Variants in PXDNL observed in about 807,000 individuals in gnomAD.
PXDNL encodes the protein peroxidasin like, also known as probable oxidoreductase PXDNL.
PXDNL carries 145 observed loss-of-function variants against 150.8 expected under a neutral mutation model. The ratio of observed to expected loss-of-function variants is 0.96; its 90% CI spans 0.84 to 1.10. The LOEUF (loss-of-function observed/expected upper bound fraction) is 1.10. Among genes scored for constraint, PXDNL ranks in the 50% least tolerant of loss-of-function variants. The pLI is 0.00. For synonymous variants in PXDNL, 757 were observed against 725.7 expected, an observed-to-expected ratio of 1.04 and a Z score of -0.69; for missense variants, 2,087 against 1,873.9, an observed-to-expected ratio of 1.11 and a Z score of -2.10.
chr8:51,320,965 A>G, intron 21 of PXDNL, 68 bp from the exon 22 acceptor site: 2 of 1,130,958 alleles, frequency 1.8e-6, no homozygotes, highest in Non-Finnish European at 2.7e-6. Flanking sequence ...AATCAATAAC[A>G]TGGTTTGATG....
intron 1 of PXDNL, among the ~76,000 whole-genome samples, chr8:51,691,531 A>G (rs1297811496): frequency 1.3e-5 from 2 of 152,140 alleles, no homozygotes; most frequent in East Asian, 3.8e-4. Flanking sequence ...TTAACTAGAG[A>G]CAAACATTTA....
intron 3 of PXDNL, among the ~76,000 whole-genome samples, chr8:51,560,487 T>C (rs1345550870): frequency 6.6e-6 from 1 of 151,846 alleles, no homozygotes; most frequent in Admixed American, 6.6e-5. Context: ...CAGTAGGAAG[T>C]CCACAAATAA....
chr8:51,675,931 C>G (rs895076942), intron 1 of PXDNL, among the ~76,000 whole-genome samples: 2 of 152,168 alleles, frequency 1.3e-5, no homozygotes, highest in East Asian at 3.9e-4. Context: ...CTAAAAGTCA[C>G]GTATATAGAT....
intron 2 of PXDNL, among the ~76,000 whole-genome samples, chr8:51,631,135 A>G (rs1814481583): frequency 6.6e-6 from 1 of 152,170 alleles, no homozygotes; most frequent in Admixed American, 6.5e-5. Context: ...TTACAGCAAT[A>G]TGGATGGAGT....
chr8:51,514,180 G>A (rs1274970846), intron 4 of PXDNL, among the ~76,000 whole-genome samples: 2 of 152,134 alleles, frequency 1.3e-5, no homozygotes, highest in Non-Finnish European at 2.9e-5. Flanking sequence ...TATCTCAGCT[G>A]GAGCCATGAG....
At chr8:51,357,552 G>C (rs939268386) in intron 19 of PXDNL, among the ~76,000 whole-genome samples, 1 of 152,200 alleles carries the variant, frequency 6.6e-6, no homozygotes, top group Non-Finnish European at 1.5e-5. Flanking sequence ...TACATATTTA[G>C]ATGCAACTTG....
chr8:51,523,305 T>C (rs1048101377), intron 4 of PXDNL, among the ~76,000 whole-genome samples: 1 of 152,236 alleles, frequency 6.6e-6, no homozygotes, highest in Non-Finnish European at 1.5e-5. Context: ...TATTTACTAA[T>C]ATGCTTTTGG....
intron 2 of PXDNL, among the ~76,000 whole-genome samples, chr8:51,643,875 T>A (rs1421971260): frequency 6.6e-6 from 1 of 151,902 alleles, no homozygotes. Context: ...AAAAAATGGG[T>A]GAAGGATATG....
At chr8:51,416,804 A>G (rs1206801113) in intron 14 of PXDNL, among the ~76,000 whole-genome samples, 1 of 152,246 alleles carries the variant, frequency 6.6e-6, no homozygotes, top group East Asian at 1.9e-4. Flanking sequence ...TAAGCTCTAA[A>G]CTACACAAAT....
chr8:51,512,149 C>T (rs9298450), intron 4 of PXDNL, among the ~76,000 whole-genome samples: 59,692 of 151,986 alleles, frequency 0.39, 12,604 homozygotes, highest in African/African-American at 0.55. Context: ...ATTTTGAAAA[C>T]GGAACAAGTA....
intron 1 of PXDNL, among the ~76,000 whole-genome samples, chr8:51,693,459 C>T (rs572379477): frequency 4.6e-5 from 7 of 152,322 alleles, no homozygotes; most frequent in African/African-American, 1.7e-4. Context: ...TCTTGCACAA[C>T]ATAAACTGTT....
At chr8:51,485,948 G>A (rs1043417397) in intron 5 of PXDNL, among the ~76,000 whole-genome samples, 6 of 152,170 alleles carry the variant, frequency 3.9e-5, no homozygotes, top group African/African-American at 1.4e-4. Context: ...TGGAGAAACA[G>A]CTTATAGTAG....
chr8:51,697,622 C>T (rs562144877), intron 1 of PXDNL, among the ~76,000 whole-genome samples: 2 of 152,126 alleles, frequency 1.3e-5, no homozygotes, highest in African/African-American at 4.8e-5. Flanking sequence ...AAGCAAAGAG[C>T]CAGAAAATTA....
chr8:51,528,632 T>C (rs557311039), intron 4 of PXDNL, among the ~76,000 whole-genome samples: 127 of 152,246 alleles, frequency 8.3e-4, no homozygotes, highest in African/African-American at 2.9e-3. Flanking sequence ...AGGTCCAATC[T>C]AATCACACCA....
At chr8:51,320,739 T>TAGG (rs3217441) in intron 22 of PXDNL, 45 bp downstream of exon 22, 429,221 of 1,376,166 alleles carry the variant, frequency 0.31, 76,623 homozygotes, top group African/African-American at 0.79. Context: ...ACTGGCTGGC[T>TAGG]AGAAGTGAAA....
At chr8:51,383,488 C>G (rs900401084) in intron 17 of PXDNL, among the ~76,000 whole-genome samples, 1 of 152,146 alleles carries the variant, frequency 6.6e-6, no homozygotes, top group Admixed American at 6.5e-5. Context: ...GCAGCAAATA[C>G]AAAGGGCGCT....
chr8:51,527,517 T>C (rs1400596239), intron 4 of PXDNL, among the ~76,000 whole-genome samples: 1 of 152,204 alleles, frequency 6.6e-6, no homozygotes, highest in Non-Finnish European at 1.5e-5. Context: ...ATATGAAGTA[T>C]CCGATTTGTT....
intron 4 of PXDNL, among the ~76,000 whole-genome samples, chr8:51,512,016 A>G (rs971439640): frequency 6.6e-6 from 1 of 152,234 alleles, no homozygotes; most frequent in African/African-American, 2.4e-5. Flanking sequence ...TCCTTCATGC[A>G]CCATGATTTT....
chr8:51,763,146 C>CTGTCATTTG (rs1379051858), intron 1 of PXDNL, among the ~76,000 whole-genome samples: 2 of 152,116 alleles, frequency 1.3e-5, no homozygotes, highest in African/African-American at 4.8e-5. Flanking sequence ...TTTTCTGTCT[C>CTGTCATTTG]TGTCATTTGT....
Sources: gnomAD v4.1 joint callset for allele counts (sites outside exome capture counted in the v4.1 genomes callset) on GRCh38, gnomAD v4.1.1 for gene constraint, MANE v1.5 for transcripts, NCBI Gene and HGNC (gene_info 2026-07-23, HGNC 2026-07-21) for gene names.